The following ABCG5 variants were observed in gnomAD, a reference collection of about 807,000 sequenced individuals.
ABCG5 encodes the protein ATP binding cassette subfamily G member 5.
In ABCG5, 64 loss-of-function variants were observed where a neutral mutation model predicts 64.5. That is an observed-to-expected ratio of 0.99 (90% CI 0.81 to 1.22). ABCG5 has a LOEUF of 1.22. Ranked by LOEUF, ABCG5 falls within the 50% of genes most tolerant of loss-of-function variation. The probability of loss-of-function intolerance (pLI) is 0.00; values close to 1 mark genes in which losing one functional copy is unlikely to be tolerated. For synonymous variants in ABCG5, 385 were observed against 326.3 expected, an observed-to-expected ratio of 1.18 and a Z score of -1.94; for missense variants, 908 against 829.5, an observed-to-expected ratio of 1.09 and a Z score of -1.16.
rs1478503425 is a variant in ABCG5, at chr2:43,824,313, T to A, written c.1024A>T (p.Ile342Phe). The A allele has an allele frequency of 6.2e-7, 1 of 1,614,196 alleles. No homozygotes were observed. Among genetic ancestry groups the A allele is most frequent in the South Asian group, 1.1e-5 (1 of 91,084 alleles). ...SAICHKTLKN[I>F]ERMKHLKTLP... is the part of the protein sequence containing the mutation. ...GTTTTCAGGTGTTTCATTCTTTCAA[T>A]ATTCTTCAAAGTTTTATGACAAATT... is the stretch of plus-strand genomic sequence containing the variant. Residue 342 changes from isoleucine (I) to phenylalanine (F), a missense_variant, in exon 8 of 13, where the codon ATT becomes TTT. Physicochemically the swap from Ile to Phe is conservative, Grantham distance 21. Coordinates refer to ENST00000405322, the MANE Select transcript of ABCG5 (RefSeq NM_022436.3).
At position 43,824,212 on chromosome 2, in the gene ABCG5, C is replaced by T; in HGVS notation, c.1118+7G>A. 5.0e-6 allele frequency: 8 copies of T among 1,614,156 alleles called. No individual in the cohort carries two copies. The highest frequency in any genetic ancestry group is 1.6e-4 in the Middle Eastern group (1 of 6,062). On this transcript the variant is annotated splice_region_variant and intron_variant, in intron 8 of 12. Coordinates refer to ENST00000405322, the MANE Select transcript of ABCG5 (RefSeq NM_022436.3). The stretch of plus-strand genomic sequence containing the variant: ...ACAGGCATTTCTCACATTTGTGAGC[C>T]TCTTACCTCAGGAGAACACCCAGTT...
intron 10 of ABCG5, chr2:43,822,476 AGG>A (rs1667280026): frequency 2.0e-4 from 59 of 298,804 alleles, no homozygotes; most frequent in African/African-American, 2.2e-4. Context: ...CCCCTCCCCC[AGG>A]CCCCCCCCCA....
chr2:43,831,732 C>T, intron 4 of ABCG5, 37 bp downstream of exon 4: 1 of 1,542,466 alleles, frequency 6.5e-7, no homozygotes, highest in Non-Finnish European at 8.8e-7. Context: ...TGCAAAGGTA[C>T]TCAGTTTGCC....
downstream of ABCG5, among the ~76,000 whole-genome samples, chr2:43,807,639 C>T (rs1427525431): frequency 6.8e-6 from 1 of 148,020 alleles, no homozygotes; most frequent in Non-Finnish European, 1.5e-5. Context: ...GGCTGGTCTT[C>T]AACTCCTCGC....
Position 43,820,052 on chromosome 2 carries a change from A to G in ABCG5, c.1512T>C (p.Ala504=), listed in dbSNP as rs1667087039. ...CAATTAAGTGGGGGGCCAAGAGAGC[A>G]GCAGAAAAATATCCAAATCGGGCAA... ...PEVARFGYFS[A]ALLAPHLIGE... The change falls in exon 11 of 13, where the codon GCT becomes GCC. Residue 504 remains alanine, a synonymous_variant. Transcript: ENST00000405322. 1 of 1,614,230 alleles carries G rather than the reference A, an allele frequency of 6.2e-7. No individual in the cohort carries two copies.
chr2:43,814,409 C>T, intron 12 of ABCG5, 68 bp downstream of exon 12: 2 of 1,001,932 alleles, frequency 2.0e-6, no homozygotes, highest in Non-Finnish European at 3.1e-6. Flanking sequence ...TTCAAAAATA[C>T]ATTTCCTCCA....
Position 43,838,599 on chromosome 2 carries a change from C to A in ABCG5, c.81G>T (p.Gly27=), listed in dbSNP as rs1668434238. The A allele has an allele frequency of 6.2e-7, 1 of 1,611,756 alleles. No individual in the cohort carries two copies. Among genetic ancestry groups the A allele is most frequent in the Admixed American group, 1.7e-5 (1 of 59,866 alleles). ...VNRGSQSSLE[G]APATAPEPHS... ...GAGGCTCCGGGGCGGTGGCAGGAGC[C>A]CCCTCCAGGGAGCTCTGGGAGCCTC... The change falls in exon 1 of 13, where the codon GGG becomes GGT. Residue 27 remains glycine (G), a synonymous_variant. Transcript: ENST00000405322. The surrounding 1 kb of genome is among the most constrained non-coding windows in gnomAD (Gnocchi z 4.2).
chr2:43,838,556 G>A lies in ABCG5; in HGVS notation c.124C>T (p.His42Tyr). The A allele has an allele frequency of 6.2e-7, 1 of 1,607,148 alleles. No homozygotes were observed. Among genetic ancestry groups the A allele is most frequent in the African/African-American group, 1.3e-5 (1 of 74,944 alleles). ...APEPHSLGILHASYSVSHRVR... is the reference protein window; with the variant it reads ...APEPHSLGILYASYSVSHRVR... Reference sequence around the variant, plus strand: ...CCTTACCTGACGCTGTAGGAGGCATGGAGGATGCCCAGGCTGTGAGGCTCC... The same window carrying A: ...CCTTACCTGACGCTGTAGGAGGCATAGAGGATGCCCAGGCTGTGAGGCTCC... The change falls in exon 1 of 13, where the codon CAT becomes TAT. Residue 42 changes from histidine to tyrosine, a missense_variant. His to Tyr is a moderately conservative substitution (Grantham distance 83, BLOSUM62 2). Transcript: ENST00000405322. This position sits in a 1 kb window ranked among gnomAD's most constrained non-coding sequence, Gnocchi z 4.2.
At chr2:43,835,024 C>A (rs1668175324) in intron 2 of ABCG5, among the ~76,000 whole-genome samples, 1 of 152,022 alleles carries the variant, frequency 6.6e-6, no homozygotes, top group African/African-American at 2.4e-5. Context: ...TATTAAGCAC[C>A]CACTACGTGA....
Position 43,821,974 on chromosome 2 carries a change from A to G in ABCG5, c.1463+823T>C, listed in dbSNP as rs1456365704. ...GATTCCCCTATCCCTACCTTGGTCT[A>G]CTCTGGGAACTTCCTCTTTGACTTA... is the stretch of plus-strand genomic sequence containing the variant. On this transcript the variant is annotated intron_variant, in intron 10 of 12. Coordinates refer to ENST00000405322, the MANE Select transcript of ABCG5 (RefSeq NM_022436.3). Among the ~76,000 whole-genome samples, 3 of 151,900 alleles carry G rather than the reference A, an allele frequency of 2.0e-5. No individual in the cohort carries two copies. In the East Asian group the frequency reaches 5.8e-4, roughly 29 times the overall value.
In ABCG5 at chr2:43,823,792, G is replaced by T. The variant is rs537067305; in HGVS notation, c.1324+121C>A. 4.3e-6 allele frequency: 5 copies of T among 1,164,730 alleles called. No homozygotes were observed. The African/African-American group carries it at 6.2e-5, about 15-fold the overall frequency. The allele number at this position is 1,164,730 out of a possible 1,614,324, so 72.1% of individuals were successfully genotyped here. ...TTGCCTTTCCCCAGAGAGGGAACCT[G>T]GAGAGGGCTGGGTTTAGCTCAGAGA... On this transcript the variant is annotated intron_variant, in intron 9 of 12. Transcript: ENST00000405322.
chr2:43,827,198 G>A (rs1258053199), intron 5 of ABCG5, among the ~76,000 whole-genome samples: 3 of 151,922 alleles, frequency 2.0e-5, no homozygotes, highest in Admixed American at 6.6e-5. Flanking sequence ...GGTGGCAGGC[G>A]CCTGTAATCC....
At position 43,832,042 on chromosome 2, in the gene ABCG5, G is replaced by A; in HGVS notation, c.307C>T (p.Leu103=). 2 of 1,578,832 alleles carry A rather than the reference G, an allele frequency of 1.3e-6. No individual in the cohort carries two copies. The highest frequency in any genetic ancestry group is 8.6e-7 in the Non-Finnish European group (1 of 1,162,822). Residue 103 remains leucine (L), a synonymous_variant, in exon 3 of 13, where the codon CTG becomes TTG. Coordinates refer to ENST00000405322, the MANE Select transcript of ABCG5 (RefSeq NM_022436.3). Reference sequence around the variant, plus strand: ...CCCAGGAAGGTCCCCGCGCGCCCCAGCCTCCCGGACATGGCGTCCAGCAGC... The same window carrying A: ...CCCAGGAAGGTCCCCGCGCGCCCCAACCTCCCGGACATGGCGTCCAGCAGC... ...TTLLDAMSGR[L]GRAGTFLGEV...
chr2:43,815,571 T>C (rs983995958), intron 11 of ABCG5, among the ~76,000 whole-genome samples: 1 of 152,102 alleles, frequency 6.6e-6, no homozygotes, highest in African/African-American at 2.4e-5. Context: ...ATTAACCACA[T>C]TGAGAGGTTG....
rs1668408581 is a variant in ABCG5 at position 43,838,252 on chromosome 2, C to A, written c.143+285G>T. On this transcript the variant is annotated intron_variant, in intron 1 of 12. Transcript: ENST00000405322. This position sits in a 1 kb window ranked among gnomAD's most constrained non-coding sequence, Gnocchi z 4.2. ...TCAAGACTCCTTGCATTCGCAGTACCCCCATTCCCATCCACAGAGGGCAGG... is the reference window on the plus strand; with the variant it reads ...TCAAGACTCCTTGCATTCGCAGTACACCCATTCCCATCCACAGAGGGCAGG... The A allele has an allele frequency of 1.7e-6, 1 of 595,442 alleles. No individual in the cohort carries two copies. The allele number at this position is 595,442 out of a possible 1,614,324, so 36.9% of individuals were successfully genotyped here.
At chr2:43,813,695 G>A (rs1666614130) in intron 12 of ABCG5, among the ~76,000 whole-genome samples, 2 of 133,604 alleles carry the variant, frequency 1.5e-5, no homozygotes, top group African/African-American at 2.9e-5. Context: ...GTTTTTTTTG[G>A]GGTTTTTTTT....
intron 4 of ABCG5, 154 bp from the exon 5 acceptor site, chr2:43,828,269 T>C (rs915911041): frequency 1.4e-5 from 14 of 979,784 alleles, no homozygotes; most frequent in Non-Finnish European, 2.2e-5. Flanking sequence ...ATGTCTTTGA[T>C]AATAATATGA....
rs911324763 is a variant in ABCG5 at position 43,813,156 on chromosome 2, A to G, written c.1916T>C (p.Ile639Thr). ...SFIPALVILG[I>T]VVFKIRDHLI... ...ATGATCCCTTATTTTGAAAACAACTATTCCTAGGATGACAAGAGCTGGAAT... is the reference window on the plus strand; with the variant it reads ...ATGATCCCTTATTTTGAAAACAACTGTTCCTAGGATGACAAGAGCTGGAAT... Residue 639 changes from isoleucine (I) to threonine (T), a missense_variant, in exon 13 of 13, where the codon ATA becomes ACA. By Grantham distance (89) the Ile-to-Thr change is moderately conservative. Transcript: ENST00000405322. 1 of 1,466,896 alleles carries G rather than the reference A, an allele frequency of 6.8e-7. No individual in the cohort carries two copies. Among genetic ancestry groups the G allele is most frequent in the Non-Finnish European group, 9.6e-7 (1 of 1,046,346 alleles). 90.9% of individuals were successfully genotyped at this position (1,466,896 alleles called of 1,614,324 possible).
Position 43,814,573 on chromosome 2 carries a change from G to T in ABCG5, c.1666C>A (p.Pro556Thr), listed in dbSNP as rs760372710. ...TAACTGATGATTTTAAAAGGAATGG[G>T]CATTTCTTGTATGTTTCTTAAGAAA... ...SGFLRNIQEM[P>T]IPFKIISYFT... The change falls in exon 12 of 13, where the codon CCC (proline) becomes ACC (threonine). Residue 556 changes from proline (P) to threonine (T), a missense_variant. By Grantham distance (38) the Pro-to-Thr change is conservative. Transcript: ENST00000405322. The T allele has an allele frequency of 6.3e-7, 1 of 1,594,020 alleles. No individual in the cohort carries two copies. Among genetic ancestry groups the T allele is most frequent in the South Asian group, 1.1e-5 (1 of 90,300 alleles).
Sources: allele counts gnomAD v4.1 joint callset (sites outside exome capture counted in the v4.1 genomes callset), GRCh38; gene constraint gnomAD v4.1.1; non-coding constraint Gnocchi (gnomAD v3.1); transcripts MANE v1.5; gene names NCBI Gene and HGNC (gene_info 2026-07-23, HGNC 2026-07-21).